The following PTPRD variants were observed in gnomAD, a reference collection of about 807,000 sequenced individuals.
PTPRD encodes the protein protein tyrosine phosphatase receptor type D, also known as receptor-type tyrosine-protein phosphatase delta.
In PTPRD, 34 loss-of-function variants were observed where a neutral mutation model predicts 214.5. The ratio of observed to expected loss-of-function variants is 0.16; its 90% confidence interval spans 0.12 to 0.21. The LOEUF is 0.21. Ranked by LOEUF, PTPRD falls within the 10% of genes least tolerant of loss-of-function variation. PTPRD has a pLI of 1.00. For synonymous variants in PTPRD, 1,128 were observed against 845.7 expected, an observed-to-expected ratio of 1.33 and a Z score of -5.79; for missense variants, 2,545 against 2,398.7, an observed-to-expected ratio of 1.06 and a Z score of -1.27.
chr9:8,737,160 T>G (rs1304469233), intron 11 of PTPRD, among the ~76,000 whole-genome samples: 9 of 152,216 alleles, frequency 5.9e-5, no homozygotes, highest in Non-Finnish European at 2.9e-5. Flanking sequence ...TTTTTTCAAA[T>G]GAACCTTCAA....
At chr9:8,589,976 A>G (rs945376050) in intron 14 of PTPRD, among the ~76,000 whole-genome samples, 1 of 152,176 alleles carries the variant, frequency 6.6e-6, no homozygotes, top group Non-Finnish European at 1.5e-5. Flanking sequence ...CACTTGGTCA[A>G]CTAATAATGA....
At chr9:10,110,919 G>C (rs2098686025) in intron 3 of PTPRD, among the ~76,000 whole-genome samples, 1 of 152,138 alleles carries the variant, frequency 6.6e-6, no homozygotes, top group Non-Finnish European at 1.5e-5. Context: ...TTTTTAAAGA[G>C]ACCCTCATGA....
intron 3 of PTPRD, among the ~76,000 whole-genome samples, chr9:10,118,139 G>A (rs2098745622): frequency 6.6e-6 from 1 of 151,726 alleles, no homozygotes; most frequent in Non-Finnish European, 1.5e-5. Flanking sequence ...CCATGATAAG[G>A]GAAGCATTAA....
chr9:10,592,726 G>A (rs760954452), intron 2 of PTPRD, among the ~76,000 whole-genome samples: 1 of 151,948 alleles, frequency 6.6e-6, no homozygotes, highest in African/African-American at 2.4e-5. Context: ...GCGCTTTGTA[G>A]CTAGCAAGAA....
intron 2 of PTPRD, among the ~76,000 whole-genome samples, chr9:10,380,738 A>G (rs2097803058): frequency 6.6e-6 from 1 of 151,666 alleles, no homozygotes; most frequent in Non-Finnish European, 1.5e-5. Context: ...CCATAGAAAA[A>G]TTATTTCTGC....
intron 5 of PTPRD, among the ~76,000 whole-genome samples, chr9:9,919,509 A>G (rs897287790): frequency 1.3e-5 from 2 of 152,162 alleles, no homozygotes; most frequent in African/African-American, 4.8e-5. Context: ...CATTCGGATA[A>G]TTATTCAAAT....
Position 9,822,339 on chromosome 9 carries a change from A to G in PTPRD, c.-367-55488T>C, listed in dbSNP as rs1041483652. Among the ~76,000 whole-genome samples, 6 of 151,384 alleles carry G rather than the reference A, an allele frequency of 4.0e-5. No individual in the cohort carries two copies. In the East Asian group the frequency reaches 1.2e-3, roughly 29 times the overall value. ...GGCAGGAGAATCACTTGAACCTGGG[A>G]GGCGTAAGTTGCAGTGAGCCAAGAT... On this transcript the variant is annotated intron_variant, in intron 5 of 45. Coordinates refer to ENST00000381196, the MANE Select transcript of PTPRD (RefSeq NM_002839.4).
At chr9:8,677,337 C>T (rs544952112) in intron 12 of PTPRD, among the ~76,000 whole-genome samples, 44 of 152,266 alleles carry the variant, frequency 2.9e-4, no homozygotes, top group African/African-American at 9.1e-4. Flanking sequence ...TACTACCCAG[C>T]TATGAAAAAG....
rs868695197 is a variant in PTPRD, at chr9:9,558,421, C to T, written c.-237+16311G>A. 5.9e-5 allele frequency among the ~76,000 whole-genome samples: 9 copies of T among 152,218 alleles called. No homozygotes were observed. In the Middle Eastern group the frequency reaches 0.014, roughly 230 times the overall value. On this transcript the variant is annotated intron_variant, in intron 8 of 45. Coordinates refer to ENST00000381196, the MANE Select transcript of PTPRD (RefSeq NM_002839.4). ...ATTCCTTACACTCCACCCCTTTGGC[C>T]GAGGGAGACATAGGGCTTGGACACA...
chr9:9,241,140 T>G (rs907863093), intron 9 of PTPRD, among the ~76,000 whole-genome samples: 22 of 152,172 alleles, frequency 1.4e-4, no homozygotes, highest in Admixed American at 1.0e-3. Flanking sequence ...GATAAGAACT[T>G]TTTATGATTA....
intron 36 of PTPRD, among the ~76,000 whole-genome samples, chr9:8,401,096 C>T (rs573856151): frequency 6.6e-6 from 1 of 152,116 alleles, no homozygotes; most frequent in Admixed American, 6.5e-5. Flanking sequence ...TGTTTATGCA[C>T]ATCCAAGTAT....
chr9:8,918,345 G>T (rs575102492), intron 11 of PTPRD, among the ~76,000 whole-genome samples: 1 of 152,292 alleles, frequency 6.6e-6, no homozygotes, highest in South Asian at 2.1e-4. Context: ...AAGACTGGAA[G>T]TACACAATGA....
intron 11 of PTPRD, among the ~76,000 whole-genome samples, chr9:8,855,785 T>A (rs533609896): frequency 2.0e-5 from 3 of 152,270 alleles, no homozygotes; most frequent in African/African-American, 7.2e-5. Flanking sequence ...TAATCCCCCA[T>A]CCCCTTGCTG....
chr9:9,649,602 C>T (rs919650604), intron 7 of PTPRD, among the ~76,000 whole-genome samples: 41 of 152,268 alleles, frequency 2.7e-4, no homozygotes, highest in African/African-American at 9.9e-4. Flanking sequence ...AATATCACTG[C>T]CTTAGAGCAC....
rs1480860993 is a variant in PTPRD at position 8,404,521 on chromosome 9, G to A, written c.4210+16C>T. On this transcript the variant is annotated intron_variant, in intron 36 of 45. Transcript: ENST00000381196. ...CCATGAAAATAAAGGTATCAGTGAT[G>A]TCTGCATTTCCTTACCTTCTATAGC... 1 of 1,602,588 alleles carries A rather than the reference G, an allele frequency of 6.2e-7. No homozygotes were observed. The highest frequency in any genetic ancestry group is 1.3e-5 in the African/African-American group (1 of 74,706).
intron 30 of PTPRD, among the ~76,000 whole-genome samples, chr9:8,477,276 A>G (rs903560345): frequency 3.3e-5 from 5 of 152,198 alleles, no homozygotes; most frequent in African/African-American, 9.7e-5. Flanking sequence ...AGAAAAATAA[A>G]TAACTTCAGA....
chr9:9,675,991 G>C (rs183726577), intron 7 of PTPRD, among the ~76,000 whole-genome samples: 1 of 151,982 alleles, frequency 6.6e-6, no homozygotes, highest in Non-Finnish European at 1.5e-5. Context: ...ACCACATATT[G>C]CAAGGGTTCT....
chr9:9,226,259 G>A (rs1296045893), intron 9 of PTPRD, among the ~76,000 whole-genome samples: 2 of 151,826 alleles, frequency 1.3e-5, no homozygotes, highest in South Asian at 2.1e-4. Flanking sequence ...TGTGCAAAGG[G>A]CAAGACTGGT....
chr9:10,564,171 CTTTTTTTTTTTTTTTT>C (rs71332760), intron 2 of PTPRD, among the ~76,000 whole-genome samples: 1 of 29,408 alleles, frequency 3.4e-5, no homozygotes, highest in Non-Finnish European at 5.5e-5. Flanking sequence ...CTAGGCTATT[CTTTTTTTTTTTTTTTT>C]TTTTTTTTGA....
Sources: allele counts gnomAD v4.1 joint callset (sites outside exome capture counted in the v4.1 genomes callset), GRCh38; gene constraint gnomAD v4.1.1; transcripts MANE v1.5; gene names NCBI Gene and HGNC (gene_info 2026-07-23, HGNC 2026-07-21).